Variants in TMEM232 observed in about 807,000 individuals in gnomAD.
TMEM232 encodes the protein transmembrane protein 232.
TMEM232 carries 80 observed loss-of-function variants against 78.8 expected under a neutral mutation model. The ratio of observed to expected loss-of-function variants is 1.01; its 90% CI spans 0.85 to 1.22. The LOEUF is 1.22. Ranked by LOEUF, TMEM232 falls within the 50% of genes most tolerant of loss-of-function variation. TMEM232 has a pLI of 0.00. For missense variants in TMEM232, 881 were observed against 742.2 expected (o/e 1.19, Z -2.17); for synonymous variants, 297 against 254.3 (o/e 1.17, Z -1.60).
intron 12 of TMEM232, among the ~76,000 whole-genome samples, chr5:110,443,159 T>C (rs1006018718): frequency 1.1e-4 from 16 of 152,222 alleles, no homozygotes; most frequent in Non-Finnish European, 2.4e-4. Context: ...TTTGTGTCCT[T>C]CCCTTCAGGA....
upstream of TMEM232, among the ~76,000 whole-genome samples, chr5:110,730,883 G>A (rs182588516): frequency 8.5e-5 from 13 of 152,130 alleles, no homozygotes; most frequent in Non-Finnish European, 1.5e-4. Context: ...AACCAATCAC[G>A]CCTTCCCAAC....
chr5:110,737,138 C>T (rs1340863268), intron 1 of TMEM232, among the ~76,000 whole-genome samples: 1 of 151,752 alleles, frequency 6.6e-6, no homozygotes, highest in African/African-American at 2.4e-5. Flanking sequence ...AATGTCAGTT[C>T]TAACAATGCA....
intron 11 of TMEM232, among the ~76,000 whole-genome samples, chr5:110,532,179 T>A (rs1469349087): frequency 2.0e-5 from 3 of 152,060 alleles, no homozygotes; most frequent in Admixed American, 2.0e-4. Flanking sequence ...CTAAGCCGTA[T>A]CCCATTTGTG....
At chr5:110,690,640 T>C (rs1329126234) in intron 1 of TMEM232, among the ~76,000 whole-genome samples, 4 of 152,266 alleles carry the variant, frequency 2.6e-5, no homozygotes, top group South Asian at 4.1e-4. Flanking sequence ...ACCCAAAGGA[T>C]TATAAATCAT....
At chr5:110,649,439 C>A (rs1006731297) in intron 2 of TMEM232, among the ~76,000 whole-genome samples, 5 of 151,852 alleles carry the variant, frequency 3.3e-5, no homozygotes, top group African/African-American at 1.2e-4. Context: ...GTTAGCATTT[C>A]ACAACAAAAA....
At chr5:110,660,831 G>C (rs1580550995) in intron 2 of TMEM232, among the ~76,000 whole-genome samples, 1 of 151,990 alleles carries the variant, frequency 6.6e-6, no homozygotes, top group East Asian at 1.9e-4. Context: ...TCATTTATTT[G>C]TGTTAGGAAC....
intron 11 of TMEM232, among the ~76,000 whole-genome samples, chr5:110,549,340 C>T (rs754366477): frequency 1.3e-5 from 2 of 151,856 alleles, no homozygotes; most frequent in African/African-American, 4.8e-5. Context: ...AGAGGCCAAG[C>T]AGAGTGGCTC....
At chr5:110,450,915 G>A (rs1760203979) in intron 12 of TMEM232, among the ~76,000 whole-genome samples, 1 of 152,104 alleles carries the variant, frequency 6.6e-6, no homozygotes, top group South Asian at 2.1e-4. Context: ...GACTTCGAAG[G>A]CCAAGAGGAC....
chr5:110,484,654 G>C (rs1452518046), intron 12 of TMEM232, among the ~76,000 whole-genome samples: 1 of 151,962 alleles, frequency 6.6e-6, no homozygotes, highest in Non-Finnish European at 1.5e-5. Context: ...AATAGAGCGG[G>C]AGTGTCTAAA....
Position 110,522,449 on chromosome 5 carries a change from T to C in TMEM232, c.1703+6139A>G, listed in dbSNP as rs937878149. ...ATTATTCAAGCTAGGACTTCTTGTT[T>C]TGAACAGAAATAGCAAGAATGGAAT... On this transcript the variant is annotated intron_variant, in intron 12 of 13. Coordinates refer to ENST00000455884, the MANE Select transcript of TMEM232 (RefSeq NM_001039763.4). 4.6e-5 allele frequency among the ~76,000 whole-genome samples: 7 copies of C among 152,222 alleles called. No homozygotes were observed. The East Asian group carries it at 1.2e-3, about 25-fold the overall frequency.
intron 5 of TMEM232, among the ~76,000 whole-genome samples, chr5:110,634,675 G>A (rs1785568529): frequency 6.6e-6 from 1 of 151,832 alleles, no homozygotes. Flanking sequence ...ACAATATACT[G>A]AAACCTGAGA....
rs573717107 is a variant in TMEM232, at chr5:110,667,295, G to T, written c.58C>A (p.Pro20Thr). The change falls in exon 2 of 14, where the codon CCT becomes ACT. Residue 20 changes from proline (P) to threonine (T), a missense_variant. Pro to Thr is a conservative substitution (Grantham distance 38). Coordinates refer to ENST00000455884, the MANE Select transcript of TMEM232 (RefSeq NM_001039763.4). ...MINTCGGISS[P>T]YHEELWKLNF... ...AATTTCCAGAGCTCTTCATGATAAGGGGAAGATATGCCTCCACATGTATTA... is the reference window on the plus strand; with the variant it reads ...AATTTCCAGAGCTCTTCATGATAAGTGGAAGATATGCCTCCACATGTATTA... 4 of 1,542,582 alleles carry T rather than the reference G, an allele frequency of 2.6e-6. No homozygotes were observed. The highest frequency in any genetic ancestry group is 1.4e-5 in the African/African-American group (1 of 72,724).
At chr5:110,519,075 C>T (rs981020575) in intron 12 of TMEM232, among the ~76,000 whole-genome samples, 3 of 151,970 alleles carry the variant, frequency 2.0e-5, no homozygotes, top group African/African-American at 7.2e-5. Context: ...TACAGGACCA[C>T]AATGGACTAC....
rs545175839 is a variant in TMEM232 at position 110,602,132 on chromosome 5, T to C, written c.1276+2977A>G. Among the ~76,000 whole-genome samples, 102 of 152,208 alleles carry C rather than the reference T, an allele frequency of 6.7e-4. 3 individuals are homozygous for C. The South Asian group carries it at 0.02, about 30-fold the overall frequency. Reference sequence around the variant, plus strand: ...AACTGGACCCCTTACTTAAACCTTATACAAAAATTAACTCAAGATGAGTTA... The same window carrying C: ...AACTGGACCCCTTACTTAAACCTTACACAAAAATTAACTCAAGATGAGTTA... On this transcript the variant is annotated intron_variant, in intron 10 of 13. Coordinates refer to ENST00000455884, the MANE Select transcript of TMEM232 (RefSeq NM_001039763.4).
intron 12 of TMEM232, among the ~76,000 whole-genome samples, chr5:110,472,197 G>A (rs1762763671): frequency 6.6e-6 from 1 of 151,532 alleles, no homozygotes. Context: ...ATTCAGTAAA[G>A]TTTCAGGATA....
intron 11 of TMEM232, among the ~76,000 whole-genome samples, chr5:110,536,619 C>T (rs1203347463): frequency 1.3e-5 from 2 of 152,322 alleles, no homozygotes; most frequent in African/African-American, 2.4e-5. Context: ...TGACTTGAGC[C>T]TTCTTTTTTC....
At chr5:110,435,870 T>C (rs1204528065) in intron 12 of TMEM232, among the ~76,000 whole-genome samples, 1 of 152,036 alleles carries the variant, frequency 6.6e-6, no homozygotes, top group African/African-American at 2.4e-5. Flanking sequence ...TGATGGACAC[T>C]TGGGTTGCTT....
intron 11 of TMEM232, among the ~76,000 whole-genome samples, chr5:110,567,085 A>G (rs760226772): frequency 6.6e-6 from 1 of 151,806 alleles, no homozygotes; most frequent in Non-Finnish European, 1.5e-5. Context: ...CAACATGGGA[A>G]AAAACCCACT....
chr5:110,545,340 T>C (rs1181753421), intron 11 of TMEM232, among the ~76,000 whole-genome samples: 1 of 152,044 alleles, frequency 6.6e-6, no homozygotes, highest in Non-Finnish European at 1.5e-5. Context: ...ATATACATTA[T>C]ATATATGTAT....
Sources: allele counts gnomAD v4.1 joint callset (sites outside exome capture counted in the v4.1 genomes callset), GRCh38; gene constraint gnomAD v4.1.1; transcripts MANE v1.5; gene names NCBI Gene and HGNC (gene_info 2026-07-23, HGNC 2026-07-21).